Variants in LTBP1 observed in about 807,000 individuals in gnomAD.
The protein encoded by LTBP1 is latent transforming growth factor beta binding protein 1, also known as latent-transforming growth factor beta-binding protein 1.
In LTBP1, 129 loss-of-function variants were observed where a neutral mutation model predicts 207.6. The ratio of observed to expected loss-of-function variants is 0.62; its 90% CI spans 0.54 to 0.72. The LOEUF is 0.72. Ranked by LOEUF, LTBP1 falls within the 30% of genes least tolerant of loss-of-function variation. The probability of loss-of-function intolerance (pLI) is 0.00; values close to 1 mark genes in which losing one functional copy is unlikely to be tolerated. For missense variants in LTBP1, 2,281 were observed against 2,217.2 expected (o/e 1.03, Z -0.58); for synonymous variants, 963 against 833.7 (o/e 1.16, Z -2.67).
chr2:33,106,772 T>A (rs1310837313), intron 3 of LTBP1, among the ~76,000 whole-genome samples: 1 of 152,200 alleles, frequency 6.6e-6, no homozygotes, highest in Non-Finnish European at 1.5e-5. Context: ...ATTTTTGGAA[T>A]GGTAAATGAG....
chr2:33,346,598 C>T (rs1473003903), intron 25 of LTBP1, among the ~76,000 whole-genome samples: 1 of 151,654 alleles, frequency 6.6e-6, no homozygotes, highest in Non-Finnish European at 1.5e-5. Flanking sequence ...TCAGGAGAAT[C>T]ACTTGAACCC....
intron 7 of LTBP1, among the ~76,000 whole-genome samples, chr2:33,207,825 T>G (rs2089996110): frequency 6.6e-6 from 1 of 152,250 alleles, no homozygotes; most frequent in African/African-American, 2.4e-5. Context: ...CATGAGATTT[T>G]CTAGTTTAAT....
At chr2:33,152,775 AT>A (rs970672837) in intron 5 of LTBP1, among the ~76,000 whole-genome samples, 28 of 152,258 alleles carry the variant, frequency 1.8e-4, no homozygotes, top group African/African-American at 6.7e-4. Flanking sequence ...CCTTTGTCCA[AT>A]TTTGAATTGG....
intron 5 of LTBP1, among the ~76,000 whole-genome samples, chr2:33,139,815 G>A (rs1397209448): frequency 6.6e-6 from 1 of 152,206 alleles, no homozygotes; most frequent in Non-Finnish European, 1.5e-5. Flanking sequence ...TGGGAATTGG[G>A]AATAGTTTCA....
chr2:33,154,124 A>G (rs148922257), intron 5 of LTBP1, among the ~76,000 whole-genome samples: 30 of 152,240 alleles, frequency 2.0e-4, no homozygotes, highest in African/African-American at 6.3e-4. Flanking sequence ...ACTGTATTAA[A>G]TTTTGCACCA....
At chr2:33,328,087 A>T (rs2094449561) in intron 24 of LTBP1, among the ~76,000 whole-genome samples, 1 of 150,912 alleles carries the variant, frequency 6.6e-6, no homozygotes, top group Non-Finnish European at 1.5e-5. Flanking sequence ...GTGAGCCGAG[A>T]TCACGCCACT....
At chr2:33,398,183 C>G (rs913239654) in intron 33 of LTBP1, among the ~76,000 whole-genome samples, 181 bp from the exon 34 acceptor site, 2 of 152,186 alleles carry the variant, frequency 1.3e-5, no homozygotes, top group Non-Finnish European at 2.9e-5. Flanking sequence ...TCTAGAACCT[C>G]CCTGATAATC....
chr2:32,948,853 C>T (rs1558423300), intron 1 of LTBP1, 22 bp from the exon 2 acceptor site: 4 of 1,612,116 alleles, frequency 2.5e-6, no homozygotes, highest in South Asian at 2.2e-5. Context: ...CTGCTGGACT[C>T]AGCGATCTTG....
At chr2:33,046,687 G>A (rs185737673) in intron 3 of LTBP1, among the ~76,000 whole-genome samples, 1 of 152,142 alleles carries the variant, frequency 6.6e-6, no homozygotes, top group Non-Finnish European at 1.5e-5. Context: ...AGAAGGAATG[G>A]TACCAGCTCC....
At chr2:33,114,225 C>A (rs190355851) in intron 4 of LTBP1, among the ~76,000 whole-genome samples, 4 of 152,172 alleles carry the variant, frequency 2.6e-5, no homozygotes, top group Non-Finnish European at 5.9e-5. Context: ...AATTTGCATC[C>A]GTATCATCTA....
At chr2:33,267,438 A>AT (rs1352901683) in intron 15 of LTBP1, among the ~76,000 whole-genome samples, 4 of 152,030 alleles carry the variant, frequency 2.6e-5, no homozygotes, top group Non-Finnish European at 1.5e-5. Context: ...AATGATGGTG[A>AT]TTTTTTTTAA....
intron 23 of LTBP1, among the ~76,000 whole-genome samples, chr2:33,311,833 C>T (rs1225900550): frequency 1.3e-5 from 2 of 152,154 alleles, no homozygotes; most frequent in African/African-American, 4.8e-5. Context: ...GTGACTACTC[C>T]AAACATAGAG....
Position 33,243,726 on chromosome 2 carries a change from CT to C in LTBP1, c.1942del (p.Tyr648IlefsTer7). ...GTGAGTGTTTGAATACCATGGGCAG[CT>C]ATCGATGTACCTGCAAAATAGGATT... ...NGECLNTMGSYRCTCKIGFGP... is the reference protein window; with the variant it reads ...NGECLNTMGSXRCTCKIGFGP... On this transcript the variant is annotated frameshift_variant, in exon 10 of 34. Transcript: ENST00000404816. LOFTEE classifies it high-confidence loss of function. The C allele has an allele frequency of 6.2e-7, 1 of 1,612,920 alleles. No individual in the cohort carries two copies. The highest frequency in any genetic ancestry group is 8.5e-7 in the Non-Finnish European group (1 of 1,178,896).
intron 31 of LTBP1, among the ~76,000 whole-genome samples, chr2:33,370,949 C>T (rs1195835928): frequency 6.6e-6 from 1 of 152,194 alleles, no homozygotes; most frequent in African/African-American, 2.4e-5. Context: ...AGGTCACGGG[C>T]ACTAATTCTT....
chr2:33,255,261 C>T (rs990173111), intron 11 of LTBP1, among the ~76,000 whole-genome samples: 11 of 151,936 alleles, frequency 7.2e-5, no homozygotes, highest in Non-Finnish European at 1.3e-4. Flanking sequence ...ATGAACTCAT[C>T]ATTTTTTATG....
chr2:33,301,786 G>T, intron 22 of LTBP1, 142 bp downstream of exon 22: 1 of 672,594 alleles, frequency 1.5e-6, no homozygotes, highest in Non-Finnish European at 2.3e-6. Flanking sequence ...CTTCCCCGGG[G>T]TCACACAAAT....
chr2:33,011,052 G>T (rs1031586875), intron 2 of LTBP1, among the ~76,000 whole-genome samples: 1 of 152,070 alleles, frequency 6.6e-6, no homozygotes, highest in South Asian at 2.1e-4. Context: ...GGGTAGGATG[G>T]TTCTAACTTT....
chr2:33,294,775 C>T (rs905068302), intron 20 of LTBP1, among the ~76,000 whole-genome samples: 1 of 151,858 alleles, frequency 6.6e-6, no homozygotes, highest in African/African-American at 2.4e-5. Flanking sequence ...GACGAGGTTT[C>T]ACCATATTGG....
intron 10 of LTBP1, among the ~76,000 whole-genome samples, chr2:33,249,714 T>C (rs1248957816): frequency 6.6e-6 from 1 of 152,218 alleles, no homozygotes; most frequent in Non-Finnish European, 1.5e-5. Context: ...CTGAAGTGCT[T>C]TTCCTTTTAG....
Sources: gnomAD v4.1 joint callset for allele counts (sites outside exome capture counted in the v4.1 genomes callset) on GRCh38, gnomAD v4.1.1 for gene constraint, MANE v1.5 for transcripts, NCBI Gene and HGNC (gene_info 2026-07-23, HGNC 2026-07-21) for gene names.